TGM4: variants seen among roughly 807,000 people sequenced by gnomAD.
TGM4 encodes protein-glutamine gamma-glutamyltransferase 4.
In TGM4, 61 loss-of-function variants were observed where a neutral mutation model predicts 76.3. The observed-to-expected ratio is 0.80, with a 90% CI of 0.65 to 0.99. The LOEUF (loss-of-function observed/expected upper bound fraction) is 0.99. Ranked by LOEUF, TGM4 falls within the 50% of genes least tolerant of loss-of-function variation. The pLI, the probability that TGM4 is intolerant of heterozygous loss-of-function variation, is 0.00. For synonymous variants in TGM4, 337 were observed against 329.8 expected, an observed-to-expected ratio of 1.02 and a Z score of -0.24; for missense variants, 794 against 843.2, an observed-to-expected ratio of 0.94 and a Z score of 0.72.
At position 44,911,032 on chromosome 3, in the gene TGM4, A is replaced by G. The variant is rs754709003; in HGVS notation, c.1681A>G (p.Ile561Val). The G allele has an allele frequency of 6.2e-7, 1 of 1,614,186 alleles. No homozygotes were observed. Among genetic ancestry groups the G allele is most frequent in the South Asian group, 1.1e-5 (1 of 91,070 alleles). ...GGCTATATTAGATGATGAGCCAGTT[A>G]TCAGAGGTTTCATCATTGCGGAAAT... ...SLAILDDEPV[I>V]RGFIIAEIVE... Residue 561 changes from isoleucine to valine, a missense_variant, in exon 12 of 14, where the codon ATC (isoleucine) becomes GTC (valine). Ile to Val is a conservative substitution (Grantham distance 29). Transcript: ENST00000296125.
At chr3:44,908,761 A>G (rs915706979) in intron 10 of TGM4, among the ~76,000 whole-genome samples, 1 of 152,094 alleles carries the variant, frequency 6.6e-6, no homozygotes, top group Non-Finnish European at 1.5e-5. Context: ...TATATTCAAA[A>G]TAGCTAATTT....
chr3:44,892,206 T>C (rs72863128), intron 4 of TGM4, among the ~76,000 whole-genome samples: 88,149 of 150,470 alleles, frequency 0.59, 26,307 homozygotes, highest in East Asian at 0.91. Context: ...TGTAGTGAGC[T>C]GAGATCACGC....
At chr3:44,894,400 C>T (rs1290781890) in intron 5 of TGM4, among the ~76,000 whole-genome samples, 1 of 100,040 alleles carries the variant, frequency 1.0e-5, no homozygotes, top group Non-Finnish European at 2.0e-5. Context: ...CCAAACAGCT[C>T]TCTCCCACCC....
chr3:44,887,382 C>T (rs891114697), intron 2 of TGM4, among the ~76,000 whole-genome samples: 6 of 152,322 alleles, frequency 3.9e-5, no homozygotes, highest in African/African-American at 1.4e-4. Flanking sequence ...CAGGGTTAAA[C>T]AAATGGTAAC....
In TGM4 at chr3:44,904,336, C is replaced by T. The variant is rs566964436; in HGVS notation, c.1075+349C>T. ...TATCGTCATTTTACAAATGAGGAAA[C>T]TGAGGCTCAGGGAGGTGAAGTGAGT... On this transcript the variant is annotated intron_variant, in intron 9 of 13. Transcript: ENST00000296125. Among the ~76,000 whole-genome samples, 3 of 152,326 alleles carry T rather than the reference C, an allele frequency of 2.0e-5. No individual in the cohort carries two copies. In the South Asian group the frequency reaches 6.2e-4, roughly 32 times the overall value.
At position 44,913,861 on chromosome 3, in the gene TGM4, C is replaced by A; in HGVS notation, c.*136C>A. On this transcript the variant is annotated 3_prime_UTR_variant, in exon 14 of 14. Coordinates refer to ENST00000296125, the MANE Select transcript of TGM4 (RefSeq NM_003241.4). ...AGAGCCAGCAGGTCAAAAAGGCCAA[C>A]ACAACCATAAGCAGCCAGACCCACA... 1 of 1,267,440 alleles carries A rather than the reference C, an allele frequency of 7.9e-7. No homozygotes were observed. Among genetic ancestry groups the A allele is most frequent in the Non-Finnish European group, 1.1e-6 (1 of 921,862 alleles). 78.5% of individuals were successfully genotyped at this position (1,267,440 alleles called of 1,614,324 possible). A position where few individuals can be genotyped will look rare whatever the true frequency, so the allele number is the denominator to read the frequency against.
intron 6 of TGM4, among the ~76,000 whole-genome samples, chr3:44,898,730 G>A (rs1266551324): frequency 1.3e-5 from 2 of 152,194 alleles, no homozygotes; most frequent in Non-Finnish European, 2.9e-5. Context: ...TCTGTTGCAC[G>A]TGGTATGCCT....
chr3:44,889,774 G>A (rs968114951), intron 3 of TGM4, among the ~76,000 whole-genome samples: 1 of 152,026 alleles, frequency 6.6e-6, no homozygotes, highest in African/African-American at 2.4e-5. Flanking sequence ...CTGGCTGCCT[G>A]TATTCCAAGA....
chr3:44,907,924 G>A (rs1026281012), intron 10 of TGM4, among the ~76,000 whole-genome samples: 7 of 152,160 alleles, frequency 4.6e-5, no homozygotes, highest in African/African-American at 1.7e-4. Flanking sequence ...TCCAGACAGG[G>A]GCAAACTGAA....
At chr3:44,884,061 G>C (rs1404720709) in intron 1 of TGM4, among the ~76,000 whole-genome samples, 1 of 152,210 alleles carries the variant, frequency 6.6e-6, no homozygotes, top group East Asian at 1.9e-4. Context: ...CTGCTGGAGA[G>C]GCAAATTCTC....
intron 1 of TGM4, 76 bp downstream of exon 1, chr3:44,874,773 C>T: frequency 1.3e-6 from 2 of 1,584,744 alleles, no homozygotes; most frequent in South Asian, 1.1e-5. Context: ...CTTGCCTCTG[C>T]CGGGTGCCTG....
At chr3:44,911,153 G>C (rs1700000249) in intron 12 of TGM4, 26 bp downstream of exon 12, 1 of 1,611,554 alleles carries the variant, frequency 6.2e-7, no homozygotes, top group African/African-American at 1.3e-5. Flanking sequence ...GCCATAAAGG[G>C]CTCCTTCTGC....
intron 3 of TGM4, 22 bp downstream of exon 3, chr3:44,887,817 G>A (rs776846778): frequency 6.8e-6 from 11 of 1,609,062 alleles, no homozygotes; most frequent in East Asian, 2.2e-5. Flanking sequence ...CTGGGCTGGC[G>A]GGTGGGCTGG....
At chr3:44,883,664 C>T (rs780810109) in intron 1 of TGM4, among the ~76,000 whole-genome samples, 4 of 152,180 alleles carry the variant, frequency 2.6e-5, no homozygotes, top group Non-Finnish European at 5.9e-5. Flanking sequence ...GCAGCAGGTT[C>T]CCAGGCCCTG....
Position 44,910,129 on chromosome 3 carries a change from T to A in TGM4, c.1367T>A (p.Leu456His). 1 of 1,614,194 alleles carries A rather than the reference T, an allele frequency of 6.2e-7. No homozygotes were observed. Among genetic ancestry groups the A allele is most frequent in the South Asian group, 1.1e-5 (1 of 91,088 alleles). Residue 456 changes from leucine (L) to histidine (H), a missense_variant, in exon 11 of 14, where the codon CTC (leucine) becomes CAC (histidine). Leu to His is a moderately conservative substitution (Grantham distance 99, BLOSUM62 -3). Transcript: ENST00000296125. ...EERQVMDHAF[L>H]LLSSEREHRR... ...AGGCAGGTCATGGATCATGCCTTCC[T>A]CCTTCTCAGTTCTGAGAGGGAGCAC...
chr3:44,913,159 C>G (rs1299541937), intron 13 of TGM4, among the ~76,000 whole-genome samples: 1 of 152,236 alleles, frequency 6.6e-6, no homozygotes, highest in East Asian at 1.9e-4. Context: ...CCTACAAGCT[C>G]AGCTAGTATT....
intron 4 of TGM4, among the ~76,000 whole-genome samples, chr3:44,891,551 T>G (rs1174532274): frequency 2.6e-5 from 4 of 152,102 alleles, no homozygotes; most frequent in African/African-American, 9.7e-5. Flanking sequence ...AAGCTTTTTA[T>G]TTTTGAACCA....
intron 11 of TGM4, 137 bp downstream of exon 11, chr3:44,910,505 C>T: frequency 8.7e-7 from 1 of 1,151,302 alleles, no homozygotes; most frequent in Non-Finnish European, 1.2e-6. Flanking sequence ...TTATTGAGCA[C>T]CTACCCCTTG....
In TGM4 at chr3:44,911,276, AAC is replaced by A. The variant is rs764241678; in HGVS notation, c.1787_1788del (p.Thr596ArgfsTer23). ...QYPEFSIELP[N>X]TGRIGQLLVC... ...CCTCCCCACCCTACTACAGTTGCCT[AAC>A]ACAGGCAGAATTGGCCAGCTACTTG... On this transcript the variant is annotated frameshift_variant, in exon 13 of 14. Coordinates refer to ENST00000296125, the MANE Select transcript of TGM4 (RefSeq NM_003241.4). LOFTEE classifies it high-confidence loss of function. 36 of 1,614,064 alleles carry A rather than the reference AAC, an allele frequency of 2.2e-5. No homozygotes were observed. The highest frequency in any genetic ancestry group is 3.0e-5 in the Non-Finnish European group (35 of 1,180,042).
Sources: allele counts gnomAD v4.1 joint callset (sites outside exome capture counted in the v4.1 genomes callset), GRCh38; gene constraint gnomAD v4.1.1; transcripts MANE v1.5; gene names NCBI Gene and HGNC (gene_info 2026-07-23, HGNC 2026-07-21).